The following CLIP2 variants were observed in gnomAD, a reference collection of about 807,000 sequenced individuals.
CLIP2 encodes the protein CAP-Gly domain-containing linker protein 2.
Under a neutral mutation model 111.7 loss-of-function variants are expected in CLIP2, and 41 were observed. The observed-to-expected ratio is 0.37, with a 90% CI of 0.29 to 0.48. The LOEUF (loss-of-function observed/expected upper bound fraction) is 0.48, where lower values mean the gene tolerates loss of function less well. CLIP2 is among the 20% of genes least tolerant of loss of function. The probability of loss-of-function intolerance (pLI) is 0.99; values close to 1 mark genes in which losing one functional copy is unlikely to be tolerated. For synonymous variants in CLIP2, 660 were observed against 644.2 expected (o/e 1.02, Z -0.37); for missense variants, 1,160 against 1,422.1 (o/e 0.82, Z 2.96).
intron 2 of CLIP2, among the ~76,000 whole-genome samples, chr7:74,327,808 G>C (rs1789159501): frequency 6.6e-6 from 1 of 152,184 alleles, no homozygotes; most frequent in Non-Finnish European, 1.5e-5. Context: ...GCCAGCACCT[G>C]TCTGCCTGCC....
chr7:74,346,738 A>C (rs530694636), intron 3 of CLIP2, among the ~76,000 whole-genome samples: 124 of 61,112 alleles, frequency 2.0e-3, no homozygotes, highest in African/African-American at 3.6e-3. Flanking sequence ...AAAAAAAAAA[A>C]AAAACAAAAC....
chr7:74,331,056 A>G (rs1265225568), intron 2 of CLIP2, among the ~76,000 whole-genome samples: 1 of 151,722 alleles, frequency 6.6e-6, no homozygotes, highest in South Asian at 2.1e-4. Flanking sequence ...AATACAAAAA[A>G]TTAGCCAAGC....
chr7:74,299,656 G>A (rs1039809779), intron 1 of CLIP2, among the ~76,000 whole-genome samples: 3 of 151,758 alleles, frequency 2.0e-5, no homozygotes, highest in African/African-American at 7.3e-5. Context: ...GAGAAGGTGT[G>A]GGAGTGAGAG....
At chr7:74,354,074 A>G in intron 4 of CLIP2, 70 bp downstream of exon 4, 1 of 1,522,128 alleles carries the variant, frequency 6.6e-7, no homozygotes, top group Non-Finnish European at 8.9e-7. Flanking sequence ...GGGGATGGAG[A>G]TGGGACATTG....
At chr7:74,300,951 G>C (rs1454847790) in intron 1 of CLIP2, among the ~76,000 whole-genome samples, 1 of 152,200 alleles carries the variant, frequency 6.6e-6, no homozygotes, top group Non-Finnish European at 1.5e-5. Flanking sequence ...ATGGCAATTA[G>C]TAGGATTGCT....
intron 1 of CLIP2, among the ~76,000 whole-genome samples, chr7:74,310,131 G>A (rs1554728306): frequency 6.6e-6 from 1 of 151,342 alleles, no homozygotes. Context: ...GGGAGGCTGA[G>A]GTGGGAGGAT....
intron 1 of CLIP2, among the ~76,000 whole-genome samples, chr7:74,302,292 T>G (rs1788362668): frequency 6.6e-6 from 1 of 152,058 alleles, no homozygotes; most frequent in Non-Finnish European, 1.5e-5. Context: ...ATCAGCTCAC[T>G]GCAACCTCCG....
In CLIP2 at chr7:74,376,021, C is replaced by T. The variant is rs201718925; in HGVS notation, c.1620C>T (p.Ala540=). 31 of 1,612,942 alleles carry T rather than the reference C, an allele frequency of 1.9e-5. No individual in the cohort carries two copies. Among genetic ancestry groups the T allele is most frequent in the African/African-American group, 1.3e-4 (10 of 75,040 alleles). ...CACCTCCGGACCACCCAGACGCCGC[C>T]GAGATCCTGCGGCTACGGGAGCGGC... ...GPPPPDHPDA[A]EILRLRERLL... is the part of the protein sequence containing the mutation. The change falls in exon 10 of 17, where the codon GCC becomes GCT. Residue 540 remains alanine (A), a synonymous_variant. Transcript: ENST00000223398. The surrounding 1 kb of genome is among the most constrained non-coding windows in gnomAD (Gnocchi z 7.1).
At position 74,369,402 on chromosome 7, in the gene CLIP2, AGGCATGGTAGCACGCC is replaced by A. The variant is rs533754640; in HGVS notation, c.1381-3529_1381-3514del. Among the ~76,000 whole-genome samples the A allele has an allele frequency of 8.7e-3, 1,321 of 151,740 alleles. 23 individuals are homozygous for A. The highest frequency in any genetic ancestry group is 0.024 in the Middle Eastern group (7 of 294). On this transcript the variant is annotated intron_variant, in intron 8 of 16. Coordinates refer to ENST00000223398, the MANE Select transcript of CLIP2 (RefSeq NM_003388.5). ...AAATAAATAAAATAAAAAATCCACC[AGGCATGGTAGCACGCC>A]TGTAGTCCCAGCTACTTGGGGGGCT...
At chr7:74,317,091 T>C (rs1213989610) in intron 1 of CLIP2, among the ~76,000 whole-genome samples, 3 of 152,152 alleles carry the variant, frequency 2.0e-5, no homozygotes, top group Non-Finnish European at 4.4e-5. Flanking sequence ...GGATAGAAGA[T>C]GAAACATCTT....
rs199579765 is a variant in CLIP2, at chr7:74,372,901, C to A, written c.1381-31C>A. 6.6e-5 allele frequency: 63 copies of A among 955,568 alleles called. No individual in the cohort carries two copies. In the East Asian group the frequency reaches 1.6e-3, roughly 24 times the overall value. 59.2% of individuals were successfully genotyped at this position (955,568 alleles called of 1,614,324 possible). A position where few individuals can be genotyped will look rare whatever the true frequency, so the allele number is the denominator to read the frequency against. ...CCCCTCCCTGCGTCCCCGCCCCCAC[C>A]CCCCCACCGTGTCCACCCTGGGTGG... On this transcript the variant is annotated intron_variant, in intron 8 of 16. Coordinates refer to ENST00000223398, the MANE Select transcript of CLIP2 (RefSeq NM_003388.5).
Position 74,360,167 on chromosome 7 carries a change from G to A in CLIP2, c.1216-8G>A. The A allele has an allele frequency of 6.3e-7, 1 of 1,592,674 alleles. No individual in the cohort carries two copies. Among genetic ancestry groups the A allele is most frequent in the Non-Finnish European group, 8.5e-7 (1 of 1,169,862 alleles). On this transcript the variant is annotated splice_region_variant and splice_polypyrimidine_tract_variant and intron_variant, in intron 6 of 16. Transcript: ENST00000223398. The stretch of plus-strand genomic sequence containing the variant: ...CTGACCCTGTCCTGGCCTTCCTTGG[G>A]GGCCCAGTATGTTGCAGAAGCCGAG...
chr7:74,388,165 A>T (rs1376997003), intron 12 of CLIP2, among the ~76,000 whole-genome samples: 10 of 152,088 alleles, frequency 6.6e-5, no homozygotes, highest in African/African-American at 2.4e-4. Context: ...TCCCGTCTCT[A>T]CTAAAAATAC....
intron 11 of CLIP2, among the ~76,000 whole-genome samples, chr7:74,382,529 G>C (rs1340623693): frequency 2.8e-5 from 4 of 145,284 alleles, no homozygotes; most frequent in African/African-American, 1.0e-4. Flanking sequence ...GGCCAGGCTG[G>C]TCTCAAACTC....
At chr7:74,381,571 C>G in intron 11 of CLIP2, 1 of 455,454 alleles carries the variant, frequency 2.2e-6, no homozygotes, top group Non-Finnish European at 4.4e-6. Flanking sequence ...TCTATTCTTC[C>G]CTCCCTGAAG....
intron 2 of CLIP2, among the ~76,000 whole-genome samples, chr7:74,329,727 C>G (rs1789221736): frequency 6.6e-6 from 1 of 151,934 alleles, no homozygotes; most frequent in South Asian, 2.1e-4. Context: ...CATCACATGT[C>G]AACATTGTGG....
rs375115680 is a variant in CLIP2, at chr7:74,376,283, C to T, written c.1882C>T (p.Leu628=). The T allele has an allele frequency of 1.1e-5, 18 of 1,613,572 alleles. No homozygotes were observed. The highest frequency in any genetic ancestry group is 1.6e-4 in the Middle Eastern group (1 of 6,082). ...GCTGGCCTCGGACCACCAGAAGTCC[C>T]TGGAGGACCTCAAAGCCACCCTGAA... ...DSLASDHQKS[L]EDLKATLNSG... The change falls in exon 10 of 17, where the codon CTG becomes TTG. Residue 628 remains leucine, a synonymous_variant. Transcript: ENST00000223398. The surrounding 1 kb of genome is among the most constrained non-coding windows in gnomAD (Gnocchi z 7.1).
Position 74,404,150 on chromosome 7 carries a change from C to T in CLIP2, c.*302C>T, listed in dbSNP as rs1554318188. The T allele has an allele frequency of 9.4e-6, 4 of 427,308 alleles. No individual in the cohort carries two copies. Among genetic ancestry groups the T allele is most frequent in the Admixed American group, 3.5e-5 (1 of 28,676 alleles). The allele number at this position is 427,308 out of a possible 1,614,324, so 26.5% of individuals were successfully genotyped here. On this transcript the variant is annotated 3_prime_UTR_variant, in exon 17 of 17. Coordinates refer to ENST00000223398, the MANE Select transcript of CLIP2 (RefSeq NM_003388.5). The stretch of plus-strand genomic sequence containing the variant: ...GTCAGTGGAGGCAGAGGGGATCCGG[C>T]CAGGCCCCTCTGTCCAGAAGGAGCT...
chr7:74,293,626 T>G (rs118191927), intron 1 of CLIP2, among the ~76,000 whole-genome samples: 1 of 152,258 alleles, frequency 6.6e-6, no homozygotes, highest in East Asian at 1.9e-4. Context: ...GAAGGTTGTG[T>G]GTTAGGTGAG....
Sources: gnomAD v4.1 joint callset for allele counts (sites outside exome capture counted in the v4.1 genomes callset) on GRCh38, gnomAD v4.1.1 for gene constraint, Gnocchi (gnomAD v3.1) non-coding constraint, MANE v1.5 for transcripts, NCBI Gene and HGNC (gene_info 2026-07-23, HGNC 2026-07-21) for gene names.